The following AKAP13 variants were observed in gnomAD, a reference collection of about 807,000 sequenced individuals.
The protein encoded by AKAP13 is A-kinase anchoring protein 13, also known as A-kinase anchor protein 13.
Under a neutral mutation model 264.5 loss-of-function variants are expected in AKAP13, and 80 were observed. That is an observed-to-expected ratio of 0.30 (90% CI 0.25 to 0.36). The LOEUF (loss-of-function observed/expected upper bound fraction) is 0.36. AKAP13 is among the 10% of genes least tolerant of loss of function. The pLI, the probability that AKAP13 is intolerant of heterozygous loss-of-function variation, is 1.00. For synonymous variants in AKAP13, 1,380 were observed against 1,250.2 expected (o/e 1.10, Z -2.19); for missense variants, 3,712 against 3,435.2 (o/e 1.08, Z -2.01).
At chr15:85,586,404 G>T (rs2079349834) in intron 8 of AKAP13, among the ~76,000 whole-genome samples, 1 of 151,878 alleles carries the variant, frequency 6.6e-6, no homozygotes, top group Non-Finnish European at 1.5e-5. Context: ...ATGGGGTTTT[G>T]CCATGTTGGC....
chr15:85,488,688 G>A (rs562827628), intron 2 of AKAP13, among the ~76,000 whole-genome samples: 1 of 152,176 alleles, frequency 6.6e-6, no homozygotes, highest in Non-Finnish European at 1.5e-5. Context: ...TACACTGCTG[G>A]CTTAGAACAT....
intron 14 of AKAP13, among the ~76,000 whole-genome samples, chr15:85,673,840 C>T (rs1486113812): frequency 7.1e-6 from 1 of 141,208 alleles, no homozygotes; most frequent in Non-Finnish European, 1.6e-5. Context: ...TGCCCGCCAC[C>T]ACACCCGGCT....
At position 85,730,259 on chromosome 15, in the gene AKAP13, T is replaced by A. The variant is rs141291442; in HGVS notation, c.7088-254T>A. Reference sequence around the variant, plus strand: ...GAGAAGTAAACAGGGGACACGGGAGTGGAAGCAAAGTGCAGACTTGTTATG... The same window carrying A: ...GAGAAGTAAACAGGGGACACGGGAGAGGAAGCAAAGTGCAGACTTGTTATG... On this transcript the variant is annotated intron_variant, in intron 29 of 36. Transcript: ENST00000394518. Among the ~76,000 whole-genome samples the A allele has an allele frequency of 9.2e-5, 14 of 152,002 alleles. No homozygotes were observed. In the East Asian group the frequency reaches 2.1e-3, roughly 23 times the overall value.
rs749979398 is a variant in AKAP13, at chr15:85,682,220, A to G, written c.5156+8A>G. 1.2e-5 allele frequency: 19 copies of G among 1,612,278 alleles called. No individual in the cohort carries two copies. Among genetic ancestry groups the G allele is most frequent in the Non-Finnish European group, 1.6e-5 (19 of 1,179,266 alleles). ...TGCTAATCTGACTGAGAGGTACTAT[A>G]AATTTGTTACTCCTTTTTCCAGAAA... On this transcript the variant is annotated splice_region_variant and intron_variant, in intron 15 of 36. Transcript: ENST00000394518.
intron 8 of AKAP13, among the ~76,000 whole-genome samples, chr15:85,607,647 T>C (rs2080414803): frequency 6.6e-6 from 1 of 152,250 alleles, no homozygotes; most frequent in Admixed American, 6.5e-5. Flanking sequence ...ATGTTTCCTG[T>C]ATGAGACATC....
chr15:85,626,563 G>A (rs2081419902), intron 8 of AKAP13, among the ~76,000 whole-genome samples: 2 of 152,200 alleles, frequency 1.3e-5, no homozygotes, highest in African/African-American at 2.4e-5. Flanking sequence ...CCATATTATA[G>A]CATGTGTCAG....
At chr15:85,511,329 C>G (rs900528001) in intron 2 of AKAP13, among the ~76,000 whole-genome samples, 1 of 152,198 alleles carries the variant, frequency 6.6e-6, no homozygotes, top group Non-Finnish European at 1.5e-5. Flanking sequence ...ACAAACTCAT[C>G]TACAGTCAAG....
rs1186074532 is a variant in AKAP13 at position 85,687,887 on chromosome 15, A to G, written c.5289+3014A>G. On this transcript the variant is annotated intron_variant, in intron 16 of 36. Transcript: ENST00000394518. Reference sequence around the variant, plus strand: ...GACCTCATCTCTACAAAAAAATTGTAAAATTAGCTGGGCGTAGTGGCACAC... The same window carrying G: ...GACCTCATCTCTACAAAAAAATTGTGAAATTAGCTGGGCGTAGTGGCACAC... Among the ~76,000 whole-genome samples the G allele has an allele frequency of 2.6e-5, 4 of 152,228 alleles. No homozygotes were observed. In the East Asian group the frequency reaches 7.7e-4, roughly 29 times the overall value.
At position 85,730,381 on chromosome 15, in the gene AKAP13, G is replaced by A; in HGVS notation, c.7088-132G>A. 12 of 818,056 alleles carry A rather than the reference G, an allele frequency of 1.5e-5. No homozygotes were observed. The South Asian group carries it at 1.7e-4, about 12-fold the overall frequency. The allele number at this position is 818,056 out of a possible 1,614,324, so 50.7% of individuals were successfully genotyped here. On this transcript the variant is annotated intron_variant, in intron 29 of 36. Transcript: ENST00000394518. ...ATTGCTGTCTTGATGAAAAAGAAAA[G>A]GCAGTGTGGGTGGGGAGGGTGTCCT...
rs1050337920 is a variant in AKAP13 at position 85,403,199 on chromosome 15, A to G, written c.-12+22401A>G. Among the ~76,000 whole-genome samples, 7 of 152,356 alleles carry G rather than the reference A, an allele frequency of 4.6e-5. No homozygotes were observed. The South Asian group carries it at 1.5e-3, about 32-fold the overall frequency. ...AATTATTCCTAAAAGAATAATAGAT[A>G]TGAAAAAAATCTAAAATAGGTGATG... is the stretch of plus-strand genomic sequence containing the variant. On this transcript the variant is annotated intron_variant, in intron 1 of 36. Transcript: ENST00000394518.
At chr15:85,383,371 A>G (rs1314385392) in intron 1 of AKAP13, among the ~76,000 whole-genome samples, 1 of 152,200 alleles carries the variant, frequency 6.6e-6, no homozygotes, top group Non-Finnish European at 1.5e-5. Context: ...CCTACTCCAT[A>G]AGCGTTAGTA....
chr15:85,665,849 G>A (rs1438915978), intron 13 of AKAP13, among the ~76,000 whole-genome samples: 1 of 152,146 alleles, frequency 6.6e-6, no homozygotes, highest in East Asian at 1.9e-4. Context: ...TCCCTGCAAA[G>A]GACATGAACT....
At chr15:85,660,943 C>A (rs1234942055) in intron 12 of AKAP13, among the ~76,000 whole-genome samples, 1 of 152,192 alleles carries the variant, frequency 6.6e-6, no homozygotes, top group Non-Finnish European at 1.5e-5. Context: ...CCCCACTTGA[C>A]AACAAAACAA....
rs377580704 is a variant in AKAP13 at position 85,579,753 on chromosome 15, C to T, written c.1685C>T (p.Thr562Ile). The part of the protein sequence containing the change: ...SLAFSNEETS[T>I]EKTAETETSR... ...GCATTTAGTAATGAAGAAACCTCCACTGAAAAAACAGCAGAAACGGAAACT... is the reference window on the plus strand; with the variant it reads ...GCATTTAGTAATGAAGAAACCTCCATTGAAAAAACAGCAGAAACGGAAACT... Residue 562 changes from threonine (T) to isoleucine (I), a missense_variant, in exon 7 of 37, where the codon ACT becomes ATT. Thr to Ile is a moderately conservative substitution (Grantham distance 89). Coordinates refer to ENST00000394518, the MANE Select transcript of AKAP13 (RefSeq NM_007200.5). 6.8e-6 allele frequency: 11 copies of T among 1,614,222 alleles called. No homozygotes were observed. The highest frequency in any genetic ancestry group is 9.3e-6 in the Non-Finnish European group (11 of 1,180,036).
At chr15:85,698,192 G>T (rs1054564186) in intron 17 of AKAP13, among the ~76,000 whole-genome samples, 3 of 152,132 alleles carry the variant, frequency 2.0e-5, no homozygotes, top group Non-Finnish European at 4.4e-5. Context: ...TAAGGGCCAG[G>T]CACGGTGCCT....
intron 25 of AKAP13, among the ~76,000 whole-genome samples, chr15:85,722,868 A>G (rs1241645740): frequency 6.6e-6 from 1 of 152,092 alleles, no homozygotes; most frequent in African/African-American, 2.4e-5. Flanking sequence ...CATATTATTT[A>G]TATCATTGAA....
At chr15:85,737,358 C>T (rs561339140) in intron 33 of AKAP13, among the ~76,000 whole-genome samples, 3 of 152,228 alleles carry the variant, frequency 2.0e-5, no homozygotes, top group Admixed American at 2.0e-4. Context: ...CAGATTACTG[C>T]CATCTCTAAA....
chr15:85,402,432 C>A (rs1237589596), intron 1 of AKAP13, among the ~76,000 whole-genome samples: 1 of 152,154 alleles, frequency 6.6e-6, no homozygotes, highest in Non-Finnish European at 1.5e-5. Context: ...ATAAGTCTTT[C>A]ATGGTTAGGG....
chr15:85,433,034 TA>T (rs2073094104), intron 1 of AKAP13, among the ~76,000 whole-genome samples: 1 of 151,960 alleles, frequency 6.6e-6, no homozygotes, highest in African/African-American at 2.4e-5. Flanking sequence ...TACATGGTTT[TA>T]AAAATAGTTT....
Sources: allele counts gnomAD v4.1 joint callset (sites outside exome capture counted in the v4.1 genomes callset), GRCh38; gene constraint gnomAD v4.1.1; transcripts MANE v1.5; gene names NCBI Gene and HGNC (gene_info 2026-07-23, HGNC 2026-07-21).